RTF2: variants seen among roughly 807,000 people sequenced by gnomAD.
The protein encoded by RTF2 is UPF0549 protein C20orf43.
A neutral mutation model predicts 38.0 loss-of-function variants in RTF2; 18 were observed. That is an observed-to-expected ratio of 0.47 (90% CI 0.33 to 0.70). RTF2 has a LOEUF of 0.70. Among genes scored for constraint, RTF2 ranks in the 30% least tolerant of loss-of-function variants. The pLI, the probability that RTF2 is intolerant of heterozygous loss-of-function variation, is 0.02. For synonymous variants in RTF2, 126 were observed against 137.1 expected (o/e 0.92, Z 0.57); for missense variants, 311 against 379.6 (o/e 0.82, Z 1.50).
intron 5 of RTF2, among the ~76,000 whole-genome samples, chr20:56,509,624 A>AG (rs1033784655): frequency 2.0e-5 from 3 of 151,844 alleles, no homozygotes; most frequent in Non-Finnish European, 2.9e-5. Flanking sequence ...AAAAAAAAAA[A>AG]AAAGAAAAAC....
chr20:56,507,756 C>T (rs903793250), intron 5 of RTF2, among the ~76,000 whole-genome samples: 5 of 152,146 alleles, frequency 3.3e-5, no homozygotes, highest in Admixed American at 6.5e-5. Context: ...CTGGGTTCCT[C>T]CCCACCCCTG....
chr20:56,471,411 A>C (rs1414737889), intron 1 of RTF2, among the ~76,000 whole-genome samples: 1 of 152,130 alleles, frequency 6.6e-6, no homozygotes, highest in Non-Finnish European at 1.5e-5. Flanking sequence ...CACTAAAAAT[A>C]CAAAAAAGTT....
At chr20:56,486,194 C>T (rs891933928) in intron 5 of RTF2, among the ~76,000 whole-genome samples, 4 of 152,096 alleles carry the variant, frequency 2.6e-5, no homozygotes, top group African/African-American at 9.7e-5. Flanking sequence ...AATCTTCGTA[C>T]GTTTGTAACA....
chr20:56,518,005 T>C, intron 8 of RTF2, 82 bp from the exon 9 acceptor site: 1 of 1,382,586 alleles, frequency 7.2e-7, no homozygotes, highest in Non-Finnish European at 9.9e-7. Flanking sequence ...ACAGAGTGAC[T>C]GATGGGCTTC....
At chr20:56,507,987 T>C (rs1984390466) in intron 5 of RTF2, among the ~76,000 whole-genome samples, 1 of 152,212 alleles carries the variant, frequency 6.6e-6, no homozygotes, top group African/African-American at 2.4e-5. Flanking sequence ...CAGTGATGGC[T>C]AAAAACAAGC....
intron 5 of RTF2, among the ~76,000 whole-genome samples, chr20:56,488,534 A>AG (rs1982912185): frequency 6.6e-6 from 1 of 152,156 alleles, no homozygotes; most frequent in Non-Finnish European, 1.5e-5. Context: ...CTTTTCATGG[A>AG]GGGGGTGGAG....
chr20:56,477,059 C>T lies in RTF2; in HGVS notation c.333C>T (p.His111=), dbSNP rs139023802. The stretch of plus-strand genomic sequence containing the variant: ...AAGGAAACACTAAAGGTGACAAGCA[C>T]GATGACCTCCAGCGGGCGCGTTTCA... ...GDKGNTKGDK[H]DDLQRARFIC... The change falls in exon 4 of 9, where the codon CAC becomes CAT. Residue 111 remains histidine, a synonymous_variant. Coordinates refer to ENST00000357348, the MANE Select transcript of RTF2 (RefSeq NM_016407.5). The T allele has an allele frequency of 2.1e-3, 3,355 of 1,614,062 alleles. 26 individuals carry two copies. The highest frequency in any genetic ancestry group is 0.018 in the South Asian group (1,627 of 91,078).
intron 1 of RTF2, among the ~76,000 whole-genome samples, chr20:56,473,067 G>A (rs1211517435): frequency 2.6e-5 from 4 of 152,122 alleles, no homozygotes; most frequent in African/African-American, 7.2e-5. Flanking sequence ...GGAGGTGGAG[G>A]TTGCAGTGAG....
intron 6 of RTF2, 32 bp from the exon 7 acceptor site, chr20:56,516,903 C>G: frequency 6.2e-7 from 1 of 1,608,030 alleles, no homozygotes; most frequent in South Asian, 1.1e-5. Flanking sequence ...TGAATCTGAG[C>G]ACAGCCTCCA....
chr20:56,471,511 T>C (rs1981964229), intron 1 of RTF2: 2 of 152,038 alleles, frequency 1.3e-5, no homozygotes, highest in Admixed American at 6.6e-5. Context: ...GAGCTTGCAG[T>C]GAGCCAAGAT....
chr20:56,503,809 C>T (rs1474560831), intron 5 of RTF2, among the ~76,000 whole-genome samples: 1 of 152,040 alleles, frequency 6.6e-6, no homozygotes, highest in Non-Finnish European at 1.5e-5. Flanking sequence ...TCTCTACCAA[C>T]AATAAAAAAT....
rs56800162 is a variant in RTF2 at position 56,479,852 on chromosome 20, A to G, written c.398+2728A>G. Among the ~76,000 whole-genome samples, 895 of 150,800 alleles carry G rather than the reference A, an allele frequency of 5.9e-3. 9 individuals are homozygous for G. Among genetic ancestry groups the G allele is most frequent in the African/African-American group, 0.021 (843 of 40,960 alleles). ...TTTTTTTTTTGAGCAGTAAGTCTCA[A>G]CGCTGGGCTTAAAATATTCCGTAAG... On this transcript the variant is annotated intron_variant, in intron 4 of 8. Transcript: ENST00000357348.
intron 4 of RTF2, among the ~76,000 whole-genome samples, chr20:56,481,516 C>G (rs764600376): frequency 6.6e-6 from 1 of 152,184 alleles, no homozygotes; most frequent in African/African-American, 2.4e-5. Flanking sequence ...TTTAAACCAC[C>G]ATTGGGGTCA....
intron 5 of RTF2, chr20:56,497,708 TC>T: frequency 1.6e-5 from 14 of 875,880 alleles, no homozygotes; most frequent in Non-Finnish European, 2.0e-5. Context: ...GTTGTAATTC[TC>T]CCCCCCAACT....
At chr20:56,501,340 G>GTAAA (rs1172122400) in intron 5 of RTF2, among the ~76,000 whole-genome samples, 3 of 152,032 alleles carry the variant, frequency 2.0e-5, no homozygotes, top group Non-Finnish European at 2.9e-5. Context: ...AAATAATGAA[G>GTAAA]GTTTAGTTAC....
chr20:56,493,169 C>T (rs1279761570), intron 5 of RTF2, among the ~76,000 whole-genome samples: 1 of 151,908 alleles, frequency 6.6e-6, no homozygotes, highest in Non-Finnish European at 1.5e-5. Flanking sequence ...AGCAAGACTC[C>T]ATCTCCAAAA....
chr20:56,487,192 A>G (rs1265347709), intron 5 of RTF2, among the ~76,000 whole-genome samples: 1 of 152,244 alleles, frequency 6.6e-6, no homozygotes, highest in Non-Finnish European at 1.5e-5. Context: ...GATGACACGT[A>G]TGCAGTAAAA....
intron 5 of RTF2, among the ~76,000 whole-genome samples, chr20:56,507,471 G>A (rs1984354366): frequency 6.6e-6 from 1 of 152,174 alleles, no homozygotes; most frequent in Admixed American, 6.5e-5. Flanking sequence ...GAGAGAAAGA[G>A]CAAGATTACT....
chr20:56,517,344 T>C (rs961477258), intron 8 of RTF2, 143 bp downstream of exon 8: 3 of 663,760 alleles, frequency 4.5e-6, no homozygotes, highest in Non-Finnish European at 7.9e-6. Context: ...GAACTCTCTT[T>C]AGGGGGGTAA....
Sources: allele counts gnomAD v4.1 joint callset (sites outside exome capture counted in the v4.1 genomes callset), GRCh38; gene constraint gnomAD v4.1.1; transcripts MANE v1.5; gene names NCBI Gene and HGNC (gene_info 2026-07-23, HGNC 2026-07-21).